The following SRD5A1 variants were observed in gnomAD, a reference collection of about 807,000 sequenced individuals.
The protein encoded by SRD5A1 is steroid 5 alpha-reductase 1, also known as 3-oxo-5-alpha-steroid 4-dehydrogenase 1.
SRD5A1 carries 22 observed loss-of-function variants against 28.2 expected under a neutral mutation model. The ratio of observed to expected loss-of-function variants is 0.78; its 90% confidence interval spans 0.56 to 1.12. The LOEUF is 1.12. SRD5A1 is among the 50% of genes most tolerant of loss of function. SRD5A1 has a pLI of 0.00. For synonymous variants in SRD5A1, 151 were observed against 135.0 expected (o/e 1.12, Z -0.82); for missense variants, 300 against 346.7 (o/e 0.87, Z 1.07).
intron 2 of SRD5A1, among the ~76,000 whole-genome samples, chr5:6,655,312 T>G (rs1738799211): frequency 6.6e-6 from 1 of 152,254 alleles, no homozygotes; most frequent in African/African-American, 2.4e-5. Context: ...TTTTGGCCTT[T>G]TGCCTTTTCT....
At chr5:6,661,326 A>G (rs1421518848) in intron 3 of SRD5A1, among the ~76,000 whole-genome samples, 1 of 149,562 alleles carries the variant, frequency 6.7e-6, no homozygotes, top group African/African-American at 2.5e-5. Context: ...GGGTCACCTG[A>G]GGTCAGGAAT....
intron 1 of SRD5A1, among the ~76,000 whole-genome samples, chr5:6,642,280 T>A (rs933632359): frequency 5.9e-5 from 9 of 152,334 alleles, no homozygotes; most frequent in African/African-American, 2.2e-4. Context: ...TTGACATCAG[T>A]CCACATGTAT....
intron 3 of SRD5A1, among the ~76,000 whole-genome samples, chr5:6,658,769 A>C (rs890159561): frequency 6.6e-6 from 1 of 152,170 alleles, no homozygotes; most frequent in African/African-American, 2.4e-5. Context: ...TTTAAAAAAA[A>C]AAACAAACCA....
chr5:6,657,032 C>T (rs939566046), intron 3 of SRD5A1, among the ~76,000 whole-genome samples: 2 of 152,122 alleles, frequency 1.3e-5, no homozygotes, highest in African/African-American at 4.8e-5. Flanking sequence ...CATAAAAGGA[C>T]TAGAAACCAA....
At position 6,656,094 on chromosome 5, in the gene SRD5A1, A is replaced by G. The variant is rs8192208; in HGVS notation, c.477A>G (p.Leu159=). The G allele has an allele frequency of 5.3e-4, 852 of 1,613,938 alleles. 3 individuals are homozygous for G. In the African/African-American group the frequency reaches 8.4e-3, roughly 16 times the overall value. ...PRFLIGFGLW[L]TGMLINIHSD... ...TTCCTTTAGGTTTTGGCTTGTGGTT[A>G]ACGGGCATGTTGATAAACATCCATT... The change falls in exon 3 of 5, where the codon TTA becomes TTG. Residue 159 remains leucine (L), a synonymous_variant. Coordinates refer to ENST00000274192, the MANE Select transcript of SRD5A1 (RefSeq NM_001047.4).
At chr5:6,662,754 T>C (rs925129068) in intron 3 of SRD5A1, 62 bp from the exon 4 acceptor site, 1 of 1,559,434 alleles carries the variant, frequency 6.4e-7, no homozygotes, top group African/African-American at 1.4e-5. Context: ...TTCACTAGCA[T>C]CTCTGAAGTC....
intron 2 of SRD5A1, among the ~76,000 whole-genome samples, chr5:6,653,010 AAGTC>A (rs1738724505): frequency 6.6e-6 from 1 of 152,320 alleles, no homozygotes; most frequent in Admixed American, 6.5e-5. Flanking sequence ...TAAAAGTCTG[AAGTC>A]AGTCTGTCAG....
In SRD5A1 at chr5:6,670,663, CAAGT is replaced by C. The variant is rs1178263440; in HGVS notation, c.*2401_*2404del. 6.6e-6 allele frequency: 1 copy of C among 152,118 alleles called. No homozygotes were observed. The highest frequency in any genetic ancestry group is 1.9e-4 in the East Asian group (1 of 5,186). The allele number at this position is 152,118 out of a possible 1,614,324, so 9.4% of individuals were successfully genotyped here. On this transcript the variant is annotated 3_prime_UTR_variant, in exon 5 of 5. Coordinates refer to ENST00000274192, the MANE Select transcript of SRD5A1 (RefSeq NM_001047.4). ...CCCAGGTGGAGTGACAGGTAAGAAA[CAAGT>C]AAGTAGCTAAAATAATGTTAGGTAG...
chr5:6,635,623 T>C (rs1738161135), intron 1 of SRD5A1, among the ~76,000 whole-genome samples: 1 of 152,226 alleles, frequency 6.6e-6, no homozygotes, highest in South Asian at 2.1e-4. Context: ...TGCTGGCGCA[T>C]CTGCGTGCTC....
Position 6,633,499 on chromosome 5 carries a change from C to T in SRD5A1, c.-78C>T, listed in dbSNP as rs1456544953. On this transcript the variant is annotated 5_prime_UTR_variant, in exon 1 of 5. Transcript: ENST00000274192. ...GTAGCCGCCCCTCCGGTAGCCGCCC[C>T]TCCTGCCCCCGCGCCGCCGCCCTAT... 1.5e-6 allele frequency: 2 copies of T among 1,378,300 alleles called. No individual in the cohort carries two copies. The highest frequency in any genetic ancestry group is 1.5e-5 in the African/African-American group (1 of 65,200). The allele number at this position is 1,378,300 out of a possible 1,614,324, so 85.4% of individuals were successfully genotyped here. A position where few individuals can be genotyped will look rare whatever the true frequency, so the allele number is the denominator to read the frequency against.
intron 1 of SRD5A1, among the ~76,000 whole-genome samples, chr5:6,641,969 A>G (rs1738373338): frequency 6.6e-6 from 1 of 152,228 alleles, no homozygotes; most frequent in Non-Finnish European, 1.5e-5. Flanking sequence ...GCTTTTCTGG[A>G]AAGAGCCAGG....
chr5:6,636,466 G>A (rs1002967392), intron 1 of SRD5A1, among the ~76,000 whole-genome samples: 6 of 152,196 alleles, frequency 3.9e-5, no homozygotes, highest in African/African-American at 1.4e-4. Context: ...CCTGACAGGT[G>A]TGCACACAGG....
intron 1 of SRD5A1, among the ~76,000 whole-genome samples, chr5:6,643,700 C>T (rs1015853915): frequency 6.6e-5 from 10 of 152,298 alleles, no homozygotes; most frequent in East Asian, 3.9e-4. Context: ...TCTCTGGACA[C>T]GCCTCTTTGG....
At chr5:6,668,090 A>G (rs1739241218) in intron 4 of SRD5A1, 112 bp from the exon 5 acceptor site, 2 of 629,280 alleles carry the variant, frequency 3.2e-6, no homozygotes, top group Admixed American at 3.5e-5. Flanking sequence ...TTTTGTTACT[A>G]CATTTAAAAA....
intron 1 of SRD5A1, among the ~76,000 whole-genome samples, chr5:6,641,492 A>G (rs1738360467): frequency 6.6e-6 from 1 of 151,782 alleles, no homozygotes; most frequent in Non-Finnish European, 1.5e-5. Flanking sequence ...GAAGTCAGGA[A>G]GAAGATCTCA....
At chr5:6,657,876 A>G (rs1446735816) in intron 3 of SRD5A1, among the ~76,000 whole-genome samples, 1 of 152,220 alleles carries the variant, frequency 6.6e-6, no homozygotes, top group Non-Finnish European at 1.5e-5. Context: ...GTTCTAATCC[A>G]ACATATTCAA....
At chr5:6,640,667 T>C (rs1738332877) in intron 1 of SRD5A1, among the ~76,000 whole-genome samples, 1 of 152,188 alleles carries the variant, frequency 6.6e-6, no homozygotes, top group East Asian at 1.9e-4. Flanking sequence ...AAAGCCTTGT[T>C]CTTTGCCTGG....
chr5:6,668,223 A>G lies in SRD5A1; in HGVS notation c.735A>G (p.Glu245=). The G allele has an allele frequency of 1.9e-6, 3 of 1,584,658 alleles. No homozygotes were observed. Among genetic ancestry groups the G allele is most frequent in the Non-Finnish European group, 2.6e-6 (3 of 1,167,236 alleles). Residue 245 remains glutamate (E), a synonymous_variant, in exon 5 of 5, where the codon GAA becomes GAG. Coordinates refer to ENST00000274192, the MANE Select transcript of SRD5A1 (RefSeq NM_001047.4). The part of the protein sequence containing the change: ...EHHEWYLRKF[E]EYPKFRKIII... ...TTAGGTGGTACCTCCGGAAATTTGA[A>G]GAGTATCCAAAGTTCAGAAAAATTA...
chr5:6,670,998 CT>C lies in SRD5A1; in HGVS notation c.*2732del, dbSNP rs1478484841. ...GCAAGTATCTTTTTTTGAATAATGA[CT>C]TCTTTTCCTCTGGGTAGATACCCAG... On this transcript the variant is annotated 3_prime_UTR_variant, in exon 5 of 5. Coordinates refer to ENST00000274192, the MANE Select transcript of SRD5A1 (RefSeq NM_001047.4). The C allele has an allele frequency of 6.6e-6, 1 of 152,170 alleles. No individual in the cohort carries two copies. The highest frequency in any genetic ancestry group is 1.9e-4 in the East Asian group (1 of 5,174). 9.4% of individuals were successfully genotyped at this position (152,170 alleles called of 1,614,324 possible).
Sources: gnomAD v4.1 joint callset for allele counts (sites outside exome capture counted in the v4.1 genomes callset) on GRCh38, gnomAD v4.1.1 for gene constraint, MANE v1.5 for transcripts, NCBI Gene and HGNC (gene_info 2026-07-23, HGNC 2026-07-21) for gene names.